The following ARHGAP15 variants were observed in gnomAD, a reference collection of about 807,000 sequenced individuals.
The protein encoded by ARHGAP15 is rho GTPase-activating protein 15.
In ARHGAP15, 51 loss-of-function variants were observed where a neutral mutation model predicts 63.7. The observed-to-expected ratio is 0.80, with a 90% CI of 0.64 to 1.01. The LOEUF is 1.01. Among genes scored for constraint, ARHGAP15 ranks in the 50% least tolerant of loss-of-function variants. ARHGAP15 has a pLI of 0.00. For missense variants in ARHGAP15, 560 were observed against 564.6 expected, an observed-to-expected ratio of 0.99 and a Z score of 0.08; for synonymous variants, 191 against 193.8, an observed-to-expected ratio of 0.99 and a Z score of 0.12.
At chr2:143,641,200 G>C (rs1680581793) in intron 12 of ARHGAP15, 1 of 152,072 alleles carries the variant, frequency 6.6e-6, no homozygotes, top group Non-Finnish European at 1.5e-5. Flanking sequence ...AAGCAGCACT[G>C]CATTTTGCAT....
intron 11 of ARHGAP15, among the ~76,000 whole-genome samples, chr2:143,621,611 G>A (rs891311574): frequency 4.6e-5 from 7 of 152,132 alleles, no homozygotes; most frequent in African/African-American, 1.7e-4. Context: ...ACTTGCCGAA[G>A]GGCTACAAAT....
chr2:143,446,622 G>A (rs930358710), intron 8 of ARHGAP15, among the ~76,000 whole-genome samples: 8 of 151,372 alleles, frequency 5.3e-5, no homozygotes, highest in Admixed American at 3.9e-4. Context: ...AGTGTCTGTT[G>A]CCATTTCCAT....
intron 2 of ARHGAP15, 72 bp from the exon 3 acceptor site, chr2:143,202,061 AT>A (rs2105113408): frequency 8.7e-7 from 1 of 1,146,462 alleles, no homozygotes; most frequent in South Asian, 1.2e-5. Context: ...TGAATTGGTT[AT>A]TTTATGTGTA....
intron 1 of ARHGAP15, among the ~76,000 whole-genome samples, chr2:143,134,049 A>C (rs1156491134): frequency 6.6e-6 from 1 of 152,176 alleles, no homozygotes; most frequent in Non-Finnish European, 1.5e-5. Flanking sequence ...AGAGTGATGG[A>C]TGTTTTCAAG....
rs529927462 is a variant in ARHGAP15, at chr2:143,557,904, G to A, written c.1003+1419G>A. 8.5e-5 allele frequency among the ~76,000 whole-genome samples: 13 copies of A among 152,180 alleles called. 1 individual carries two copies. Among genetic ancestry groups the A allele is most frequent in the South Asian group, 4.1e-4 (2 of 4,820 alleles). On this transcript the variant is annotated intron_variant, in intron 11 of 13. Transcript: ENST00000295095. Reference sequence around the variant, plus strand: ...ATAGGTTTTAAAATCATACAGATGGGGTAGAACTTAGACTCTCTCCTTGTA... The same window carrying A: ...ATAGGTTTTAAAATCATACAGATGGAGTAGAACTTAGACTCTCTCCTTGTA...
chr2:143,340,527 C>CT (rs5834944), intron 6 of ARHGAP15, among the ~76,000 whole-genome samples: 65,566 of 148,674 alleles, frequency 0.44, 14,955 homozygotes, highest in Non-Finnish European at 0.51. Flanking sequence ...GATTTTTTCT[C>CT]TTTTTTTTTT....
At chr2:143,644,585 A>C (rs1337755684) in intron 12 of ARHGAP15, among the ~76,000 whole-genome samples, 1 of 152,042 alleles carries the variant, frequency 6.6e-6, no homozygotes, top group African/African-American at 2.4e-5. Context: ...GCCCCAACAC[A>C]GGTCAGTGTA....
intron 11 of ARHGAP15, 29 bp downstream of exon 11, chr2:143,556,514 TCAAA>T: frequency 3.3e-6 from 5 of 1,535,520 alleles, no homozygotes; most frequent in Non-Finnish European, 3.6e-6. Flanking sequence ...AGAGATTTTT[TCAAA>T]CAGTTTCATA....
chr2:143,720,942 G>T (rs904120160), intron 13 of ARHGAP15, among the ~76,000 whole-genome samples: 1 of 151,064 alleles, frequency 6.6e-6, no homozygotes, highest in Non-Finnish European at 1.5e-5. Flanking sequence ...GGTGGCGGGC[G>T]CCTGTAGTCC....
intron 8 of ARHGAP15, among the ~76,000 whole-genome samples, chr2:143,465,952 T>G (rs1379038663): frequency 6.6e-6 from 1 of 152,180 alleles, no homozygotes; most frequent in Non-Finnish European, 1.5e-5. Context: ...AGGGATTCAT[T>G]TAACAGATAC....
chr2:143,419,917 A>C (rs949109200), intron 6 of ARHGAP15, among the ~76,000 whole-genome samples: 1 of 152,156 alleles, frequency 6.6e-6, no homozygotes, highest in Non-Finnish European at 1.5e-5. Flanking sequence ...GAAAAATATC[A>C]TCCTTTCACT....
chr2:143,160,777 C>T (rs1558784383), intron 2 of ARHGAP15, among the ~76,000 whole-genome samples: 1 of 151,938 alleles, frequency 6.6e-6, no homozygotes, highest in Non-Finnish European at 1.5e-5. Context: ...CCATGCCACC[C>T]TTTGCCATCT....
chr2:143,472,447 T>C (rs1379411356), intron 8 of ARHGAP15, among the ~76,000 whole-genome samples: 2 of 152,128 alleles, frequency 1.3e-5, no homozygotes, highest in African/African-American at 2.4e-5. Context: ...AAATGTACTG[T>C]CTCAACAGGC....
intron 9 of ARHGAP15, among the ~76,000 whole-genome samples, chr2:143,509,595 A>C (rs905722276): frequency 4.6e-5 from 7 of 152,188 alleles, no homozygotes; most frequent in Non-Finnish European, 1.0e-4. Context: ...AACCTATAGC[A>C]CTAACAGAAG....
At chr2:143,521,752 C>T (rs1251410411) in intron 10 of ARHGAP15, among the ~76,000 whole-genome samples, 1 of 151,972 alleles carries the variant, frequency 6.6e-6, no homozygotes, top group Non-Finnish European at 1.5e-5. Flanking sequence ...TACATCGGCA[C>T]ATTGGCTGTT....
At chr2:143,659,288 A>G (rs1326272905) in intron 12 of ARHGAP15, among the ~76,000 whole-genome samples, 1 of 152,232 alleles carries the variant, frequency 6.6e-6, no homozygotes, top group Non-Finnish European at 1.5e-5. Flanking sequence ...GGGATCTAAT[A>G]TGCGGCATAG....
At chr2:143,319,381 T>G (rs1217459257) in intron 6 of ARHGAP15, among the ~76,000 whole-genome samples, 2 of 151,926 alleles carry the variant, frequency 1.3e-5, no homozygotes, top group African/African-American at 4.8e-5. Context: ...CGCATCACCA[T>G]GCCTGGCTAA....
At chr2:143,468,590 C>T (rs894966231) in intron 8 of ARHGAP15, among the ~76,000 whole-genome samples, 40 of 151,278 alleles carry the variant, frequency 2.6e-4, no homozygotes, top group Admixed American at 8.6e-4. Context: ...GATTATAGCA[C>T]AATATAACTC....
chr2:143,362,265 G>T (rs1461449341), intron 6 of ARHGAP15, among the ~76,000 whole-genome samples: 1 of 152,094 alleles, frequency 6.6e-6, no homozygotes, highest in East Asian at 1.9e-4. Flanking sequence ...CGAACTTCAG[G>T]TTCAGGGGCC....
Sources: allele counts gnomAD v4.1 joint callset (sites outside exome capture counted in the v4.1 genomes callset), GRCh38; gene constraint gnomAD v4.1.1; transcripts MANE v1.5; gene names NCBI Gene and HGNC (gene_info 2026-07-23, HGNC 2026-07-21).